The following AP2A2 variants were observed in gnomAD, a reference collection of about 807,000 sequenced individuals.
The protein encoded by AP2A2 is AP-2 complex subunit alpha-2.
In AP2A2, 32 loss-of-function variants were observed where a neutral mutation model predicts 104.2. That is an observed-to-expected ratio of 0.31 (90% CI 0.23 to 0.41). The LOEUF is 0.41. Ranked by LOEUF, AP2A2 falls within the 10% of genes least tolerant of loss-of-function variation. The pLI, the probability that AP2A2 is intolerant of heterozygous loss-of-function variation, is 1.00. For missense variants in AP2A2, 912 were observed against 1,261.0 expected (o/e 0.72, Z 4.19); for synonymous variants, 539 against 533.3 (o/e 1.01, Z -0.15).
intron 1 of AP2A2, among the ~76,000 whole-genome samples, chr11:944,585 A>G (rs184730444): frequency 1.3e-5 from 2 of 152,334 alleles, no homozygotes; most frequent in Admixed American, 1.3e-4. Context: ...AGAAGATGAT[A>G]AACACAACAG....
At chr11:1,007,139 A>T (rs1856236620) in intron 17 of AP2A2, 1 of 155,166 alleles carries the variant, frequency 6.4e-6, no homozygotes, top group South Asian at 2.0e-4. Flanking sequence ...TCTACCTCTA[A>T]GGATAGGCCC....
intron 14 of AP2A2, among the ~76,000 whole-genome samples, chr11:995,029 C>T (rs1355045050): frequency 6.6e-6 from 1 of 152,122 alleles, no homozygotes; most frequent in African/African-American, 2.4e-5. Context: ...CCCTGCTGCA[C>T]ACCCCGCTGT....
At chr11:997,224 G>C (rs952232387) in intron 14 of AP2A2, among the ~76,000 whole-genome samples, 4 of 152,168 alleles carry the variant, frequency 2.6e-5, no homozygotes, top group African/African-American at 7.2e-5. Flanking sequence ...CTTCTTCCGA[G>C]CATCCTCTTT....
In AP2A2 at chr11:988,702, G is replaced by A; in HGVS notation, c.1269+13G>A. ...CCGAGAAGAGATTGTGAGTTCTGGT[G>A]GCCTCTGAGTCCTCTCCTGCCACAG... is the stretch of plus-strand genomic sequence containing the variant. On this transcript the variant is annotated intron_variant, in intron 10 of 21. Transcript: ENST00000448903. 5 of 1,613,200 alleles carry A rather than the reference G, an allele frequency of 3.1e-6. No individual in the cohort carries two copies. The highest frequency in any genetic ancestry group is 4.2e-6 in the Non-Finnish European group (5 of 1,179,778).
At chr11:995,258 T>C in intron 14 of AP2A2, 1 of 454,872 alleles carries the variant, frequency 2.2e-6, no homozygotes, top group South Asian at 1.5e-5. Flanking sequence ...TGTAGTGAGT[T>C]GGGTTAGGTC....
At chr11:998,232 C>T (rs953232058) in intron 14 of AP2A2, among the ~76,000 whole-genome samples, 4 of 152,178 alleles carry the variant, frequency 2.6e-5, no homozygotes, top group Admixed American at 6.5e-5. Context: ...AGACCCGTGT[C>T]GTCTTCTCTT....
chr11:997,055 G>A (rs1284992514), intron 14 of AP2A2, among the ~76,000 whole-genome samples: 3 of 152,186 alleles, frequency 2.0e-5, no homozygotes, highest in African/African-American at 4.8e-5. Flanking sequence ...CACTCCTGGC[G>A]AAGTTTTCTT....
chr11:994,150 C>G lies in AP2A2; in HGVS notation c.1861C>G (p.Pro621Ala). The change falls in exon 14 of 22, where the codon CCC becomes GCC. Residue 621 changes from proline (P) to alanine (A), a missense_variant. Physicochemically the swap from Pro to Ala is conservative, Grantham distance 27. Transcript: ENST00000448903. Reference sequence around the variant, plus strand: ...GGCAAAGCTCAAGAAGAAGAAGGGCCCCAGCACGGTGACAGACCTGGAGGA... The same window carrying G: ...GGCAAAGCTCAAGAAGAAGAAGGGCGCCAGCACGGTGACAGACCTGGAGGA... ...ILAKLKKKKG[P>A]STVTDLEDTK... 2 of 1,613,068 alleles carry G rather than the reference C, an allele frequency of 1.2e-6. No individual in the cohort carries two copies. Among genetic ancestry groups the G allele is most frequent in the Non-Finnish European group, 1.7e-6 (2 of 1,179,854 alleles).
intron 14 of AP2A2, among the ~76,000 whole-genome samples, chr11:995,167 G>A (rs535140504): frequency 6.6e-6 from 1 of 152,334 alleles, no homozygotes; most frequent in South Asian, 2.1e-4. Flanking sequence ...TCTCCTACAG[G>A]ACTGCCTCAC....
intron 1 of AP2A2, among the ~76,000 whole-genome samples, chr11:955,648 C>G (rs1161640395): frequency 6.6e-6 from 1 of 152,220 alleles, no homozygotes; most frequent in Non-Finnish European, 1.5e-5. Flanking sequence ...GCCACATAGG[C>G]ACTTGATTTT....
rs190701903 is a variant in AP2A2, at chr11:1,008,157, C to T, written c.2420+22C>T. On this transcript the variant is annotated intron_variant, in intron 18 of 21. Transcript: ENST00000448903. ...TCAGGTAAGAGCCGCCTGTGCGCCCCGGGCCAAGGGGTGTGTGGGCGCCTG... is the reference window on the plus strand; with the variant it reads ...TCAGGTAAGAGCCGCCTGTGCGCCCTGGGCCAAGGGGTGTGTGGGCGCCTG... 9.3e-3 allele frequency: 14,675 copies of T among 1,581,054 alleles called. 100 individuals carry two copies. Among genetic ancestry groups the T allele is most frequent in the Non-Finnish European group, 0.011 (12,281 of 1,163,050 alleles).
At chr11:936,068 A>ATT (rs553294994) in intron 1 of AP2A2, among the ~76,000 whole-genome samples, 6 of 131,582 alleles carry the variant, frequency 4.6e-5, no homozygotes, top group Non-Finnish European at 8.1e-5. Flanking sequence ...CGCCTGCCTA[A>ATT]TTTTTTTTTT....
In AP2A2 at chr11:1,011,019, C is replaced by T. The variant is rs1856410830; in HGVS notation, c.*394C>T. 1 of 676,292 alleles carries T rather than the reference C, an allele frequency of 1.5e-6. No individual in the cohort carries two copies. The allele number at this position is 676,292 out of a possible 1,614,324, so 41.9% of individuals were successfully genotyped here. The stretch of plus-strand genomic sequence containing the variant: ...CTCTGGGAGCAGCAGTGCCACTGTG[C>T]ATGGCGTGGGCTGAGCCTTGGTGTG... On this transcript the variant is annotated 3_prime_UTR_variant, in exon 22 of 22. Coordinates refer to ENST00000448903, the MANE Select transcript of AP2A2 (RefSeq NM_012305.4).
At position 983,363 on chromosome 11, in the gene AP2A2, C is replaced by T. The variant is rs536767606; in HGVS notation, c.706-1282C>T. ...TTTCTTTGGGTTAATTTGCTAGTCT[C>T]TTTTTATTATTTATTTATTTATTTA... On this transcript the variant is annotated intron_variant, in intron 6 of 21. Coordinates refer to ENST00000448903, the MANE Select transcript of AP2A2 (RefSeq NM_012305.4). Among the ~76,000 whole-genome samples the T allele has an allele frequency of 2.2e-3, 225 of 103,062 alleles. 1 individual carries two copies. Among genetic ancestry groups the T allele is most frequent in the African/African-American group, 7.4e-3 (196 of 26,562 alleles). The allele number at this position is 103,062 out of a possible 152,430, so 67.6% of individuals were successfully genotyped here. A position where few individuals can be genotyped will look rare whatever the true frequency, so the allele number is the denominator to read the frequency against.
At chr11:955,893 T>C (rs1854217960) in intron 1 of AP2A2, among the ~76,000 whole-genome samples, 1 of 152,256 alleles carries the variant, frequency 6.6e-6, no homozygotes, top group Non-Finnish European at 1.5e-5. Context: ...CTTTGTCCTC[T>C]GATCTGTGCA....
rs1853467722 is a variant in AP2A2 at position 936,619 on chromosome 11, C to T, written c.67+10531C>T. 2.6e-5 allele frequency among the ~76,000 whole-genome samples: 4 copies of T among 151,820 alleles called. No homozygotes were observed. The South Asian group carries it at 8.3e-4, about 32-fold the overall frequency. ...CCCAGGCTGATAACGAACTCCTAGG[C>T]TTGAGTGATCCACCTGCTTCAGCCT... On this transcript the variant is annotated intron_variant, in intron 1 of 21. Coordinates refer to ENST00000448903, the MANE Select transcript of AP2A2 (RefSeq NM_012305.4).
chr11:974,571 C>T (rs1757812238), intron 4 of AP2A2, among the ~76,000 whole-genome samples: 1 of 151,228 alleles, frequency 6.6e-6, no homozygotes. Context: ...GTCCCAGCTA[C>T]TCAGAAGGCT....
intron 4 of AP2A2, among the ~76,000 whole-genome samples, chr11:974,411 A>G (rs890317414): frequency 1.2e-4 from 18 of 152,224 alleles, no homozygotes; most frequent in African/African-American, 4.3e-4. Flanking sequence ...AAGGCTGGGC[A>G]CAGTGGCTCA....
chr11:942,439 C>T lies in AP2A2; in HGVS notation c.67+16351C>T, dbSNP rs1853686237. On this transcript the variant is annotated intron_variant, in intron 1 of 21. Transcript: ENST00000448903. ...ACGTATGGGATTAGTCTGTAGTGCTCTGAAACCTAGAAATCAAAGGAAAGG... is the reference window on the plus strand; with the variant it reads ...ACGTATGGGATTAGTCTGTAGTGCTTTGAAACCTAGAAATCAAAGGAAAGG... 2.0e-5 allele frequency: 3 copies of T among 152,222 alleles called. No homozygotes were observed. The South Asian group carries it at 6.2e-4, about 32-fold the overall frequency. 9.4% of individuals were successfully genotyped at this position (152,222 alleles called of 1,614,324 possible).
Sources: gnomAD v4.1 joint callset for allele counts (sites outside exome capture counted in the v4.1 genomes callset) on GRCh38, gnomAD v4.1.1 for gene constraint, MANE v1.5 for transcripts, NCBI Gene and HGNC (gene_info 2026-07-23, HGNC 2026-07-21) for gene names.